The following MECOM variants were observed in gnomAD, a reference collection of about 807,000 sequenced individuals.
MECOM encodes MDS1 and EVI1 complex locus, also known as histone-lysine N-methyltransferase MECOM.
In MECOM, 13 loss-of-function variants were observed where a neutral mutation model predicts 116.3. That is an observed-to-expected ratio of 0.11 (90% CI 0.07 to 0.18). The LOEUF (loss-of-function observed/expected upper bound fraction) is 0.18. Among genes scored for constraint, MECOM ranks in the 10% least tolerant of loss-of-function variants. The pLI is 1.00. For synonymous variants in MECOM, 528 were observed against 535.2 expected, an observed-to-expected ratio of 0.99 and a Z score of 0.19; for missense variants, 1,299 against 1,509.0, an observed-to-expected ratio of 0.86 and a Z score of 2.31.
intron 1 of MECOM, among the ~76,000 whole-genome samples, chr3:169,412,630 C>T (rs1737747589): frequency 6.6e-5 from 10 of 152,076 alleles, no homozygotes; most frequent in Admixed American, 6.6e-4. Context: ...CATCTCTTCC[C>T]AGTATGAATC....
At chr3:169,475,364 T>C (rs1422650151) in intron 1 of MECOM, among the ~76,000 whole-genome samples, 1 of 152,148 alleles carries the variant, frequency 6.6e-6, no homozygotes, top group African/African-American at 2.4e-5. Flanking sequence ...GTTGAAGTGT[T>C]TTTTTAAGTT....
At chr3:169,615,567 A>G (rs979562416) in intron 1 of MECOM, among the ~76,000 whole-genome samples, 8 of 152,188 alleles carry the variant, frequency 5.3e-5, no homozygotes, top group African/African-American at 1.9e-4. Context: ...CTCCTCACAC[A>G]CACACCTCCA....
intron 2 of MECOM, among the ~76,000 whole-genome samples, chr3:169,296,583 G>A (rs751205357): frequency 3.9e-5 from 6 of 152,250 alleles, no homozygotes; most frequent in Non-Finnish European, 7.4e-5. Flanking sequence ...TGAAATCCAC[G>A]CCTAGTTCCC....
intron 1 of MECOM, among the ~76,000 whole-genome samples, chr3:169,496,084 C>A (rs1270200085): frequency 6.6e-6 from 1 of 152,140 alleles, no homozygotes; most frequent in Non-Finnish European, 1.5e-5. Context: ...GATATGGGAG[C>A]CTCCTCAAAC....
intron 2 of MECOM, among the ~76,000 whole-genome samples, chr3:169,295,024 T>TA (rs573035421): frequency 1.4e-3 from 211 of 151,640 alleles, no homozygotes; most frequent in Non-Finnish European, 2.6e-3. Context: ...TTTCTTTATT[T>TA]AAAAAAAAAT....
intron 1 of MECOM, among the ~76,000 whole-genome samples, chr3:169,476,710 T>C (rs1383283581): frequency 6.6e-6 from 1 of 152,048 alleles, no homozygotes; most frequent in Non-Finnish European, 1.5e-5. Flanking sequence ...TTACATATTT[T>C]TGTGAAATTA....
chr3:169,097,802 G>A (rs1323599399), intron 12 of MECOM, among the ~76,000 whole-genome samples: 1 of 62,156 alleles, frequency 1.6e-5, no homozygotes, highest in Non-Finnish European at 3.3e-5. Context: ...AACAGAGTGA[G>A]ACCTACTGTC....
At chr3:169,186,398 GA>G (rs1746771242) in intron 2 of MECOM, among the ~76,000 whole-genome samples, 2 of 107,086 alleles carry the variant, frequency 1.9e-5, no homozygotes, top group African/African-American at 7.0e-5. Flanking sequence ...GGGAGGGAGG[GA>G]GGGAGGGAGG....
rs116821059 is a variant in MECOM at position 169,345,037 on chromosome 3, G to A, written c.375+36150C>T. ...CTGCACATTATCACAGTATTAATAC[G>A]ACTGTTGGGGAATAAATGCATTTAA... On this transcript the variant is annotated intron_variant, in intron 2 of 16. Coordinates refer to ENST00000651503, the MANE Select transcript of MECOM (RefSeq NM_004991.4). Among the ~76,000 whole-genome samples, 403 of 152,206 alleles carry A rather than the reference G, an allele frequency of 2.6e-3. 1 individual carries two copies. Among genetic ancestry groups the A allele is most frequent in the African/African-American group, 9.1e-3 (378 of 41,540 alleles).
intron 2 of MECOM, among the ~76,000 whole-genome samples, chr3:169,295,733 T>C (rs565256376): frequency 6.6e-6 from 1 of 152,318 alleles, no homozygotes; most frequent in South Asian, 2.1e-4. Context: ...ACTCAGTTTC[T>C]GGGTAAATTG....
At chr3:169,146,328 C>G in intron 2 of MECOM, 1 of 1,297,766 alleles carries the variant, frequency 7.7e-7, no homozygotes, top group Non-Finnish European at 1.0e-6. Context: ...GAGAGCGGCT[C>G]CAAAGTCGCG....
chr3:169,212,165 C>T (rs1750807278), intron 2 of MECOM, among the ~76,000 whole-genome samples: 1 of 152,070 alleles, frequency 6.6e-6, no homozygotes, highest in South Asian at 2.1e-4. Flanking sequence ...GAACTACCCA[C>T]ATTTTTTCTC....
chr3:169,441,744 T>A (rs75752000), intron 1 of MECOM, among the ~76,000 whole-genome samples: 2,180 of 142,070 alleles, frequency 0.015, 164 homozygotes, highest in African/African-American at 0.039. Context: ...TTTTTTTTTT[T>A]AAAAAAGGGG....
intron 2 of MECOM, chr3:169,146,509 C>T (rs1393903864): frequency 7.2e-7 from 1 of 1,379,950 alleles, no homozygotes. Flanking sequence ...GGAGACGTGT[C>T]CAGACCGCAC....
chr3:169,584,492 G>A (rs1376875498), intron 1 of MECOM, among the ~76,000 whole-genome samples: 6 of 149,992 alleles, frequency 4.0e-5, no homozygotes, highest in Non-Finnish European at 8.8e-5. Flanking sequence ...GTGAACCCAA[G>A]AGGTGGAGCT....
At chr3:169,493,186 A>T (rs910577596) in intron 1 of MECOM, among the ~76,000 whole-genome samples, 4 of 152,164 alleles carry the variant, frequency 2.6e-5, no homozygotes, top group Admixed American at 6.5e-5. Flanking sequence ...ATACTTGAAC[A>T]TTTGCTGGGT....
chr3:169,261,669 C>A (rs1757558388), intron 2 of MECOM, among the ~76,000 whole-genome samples: 2 of 151,586 alleles, frequency 1.3e-5, no homozygotes, highest in African/African-American at 4.9e-5. Flanking sequence ...CCATTGCACT[C>A]CAGCCTGAGC....
intron 1 of MECOM, among the ~76,000 whole-genome samples, chr3:169,568,632 G>A (rs574797487): frequency 6.6e-6 from 1 of 152,276 alleles, no homozygotes; most frequent in East Asian, 1.9e-4. Flanking sequence ...GCCCACCGCA[G>A]CTCAGCAAAG....
chr3:169,408,185 C>T (rs564711792), intron 1 of MECOM, among the ~76,000 whole-genome samples: 3 of 152,106 alleles, frequency 2.0e-5, no homozygotes, highest in South Asian at 2.1e-4. Flanking sequence ...GGAAAACTTC[C>T]GAGAACAGTA....
Sources: gnomAD v4.1 joint callset for allele counts (sites outside exome capture counted in the v4.1 genomes callset) on GRCh38, gnomAD v4.1.1 for gene constraint, MANE v1.5 for transcripts, NCBI Gene and HGNC (gene_info 2026-07-23, HGNC 2026-07-21) for gene names.